DCC: variants seen among roughly 807,000 people sequenced by gnomAD.
DCC encodes netrin receptor DCC.
Under a neutral mutation model 172.5 loss-of-function variants are expected in DCC, and 58 were observed. The ratio of observed to expected loss-of-function variants is 0.34; its 90% CI spans 0.27 to 0.42. The LOEUF (loss-of-function observed/expected upper bound fraction) is 0.42. DCC is among the 10% of genes least tolerant of loss of function. DCC has a pLI of 1.00. For missense variants in DCC, 1,740 were observed against 1,791.0 expected (o/e 0.97, Z 0.51); for synonymous variants, 709 against 644.5 (o/e 1.10, Z -1.52).
chr18:52,657,479 C>T (rs1229289116), intron 1 of DCC, among the ~76,000 whole-genome samples: 1 of 152,122 alleles, frequency 6.6e-6, no homozygotes, highest in Non-Finnish European at 1.5e-5. Context: ...TATTAATAGT[C>T]GAGATTTTAT....
intron 5 of DCC, among the ~76,000 whole-genome samples, chr18:52,972,116 C>G (rs1023982539): frequency 2.6e-5 from 4 of 152,134 alleles, no homozygotes; most frequent in Non-Finnish European, 4.4e-5. Context: ...ATGAAAGAAA[C>G]AAATCACCTC....
In DCC at chr18:52,428,905, G is replaced by A. The variant is rs377112446; in HGVS notation, c.91+88027G>A. Among the ~76,000 whole-genome samples the A allele has an allele frequency of 2.6e-5, 4 of 152,118 alleles. No individual in the cohort carries two copies. In the East Asian group the frequency reaches 7.8e-4, roughly 29 times the overall value. ...AGCTATTAATATATATATAATAGAA[G>A]TAATAGACTGCCTTTAAAATACCCA... On this transcript the variant is annotated intron_variant, in intron 1 of 28. Transcript: ENST00000442544.
intron 1 of DCC, among the ~76,000 whole-genome samples, chr18:52,417,285 C>G (rs1987072551): frequency 6.6e-6 from 1 of 152,180 alleles, no homozygotes; most frequent in Admixed American, 6.5e-5. Flanking sequence ...CCCGACCTTT[C>G]TCTCTGGCTG....
chr18:53,251,040 C>G (rs2056424344), intron 12 of DCC, among the ~76,000 whole-genome samples: 3 of 151,952 alleles, frequency 2.0e-5, no homozygotes, highest in Admixed American at 2.0e-4. Context: ...TGTCTTGCAT[C>G]ACCTTTGTGG....
intron 1 of DCC, among the ~76,000 whole-genome samples, chr18:52,649,761 AT>A (rs1185050572): frequency 3.9e-5 from 6 of 152,196 alleles, no homozygotes; most frequent in Non-Finnish European, 8.8e-5. Context: ...ACCAAATTGT[AT>A]TCCAGTGAGT....
chr18:53,007,397 T>C (rs1213908938), intron 5 of DCC, among the ~76,000 whole-genome samples: 1 of 152,140 alleles, frequency 6.6e-6, no homozygotes, highest in East Asian at 1.9e-4. Context: ...GAGAGCCCCA[T>C]TACTTGACAA....
intron 2 of DCC, among the ~76,000 whole-genome samples, chr18:52,894,805 G>A (rs2039705056): frequency 6.6e-6 from 1 of 152,076 alleles, no homozygotes; most frequent in South Asian, 2.1e-4. Context: ...TGTTCTATTT[G>A]GGCCTTTAAC....
intron 1 of DCC, among the ~76,000 whole-genome samples, chr18:52,638,221 G>A (rs1242081201): frequency 6.6e-6 from 1 of 151,782 alleles, no homozygotes; most frequent in Non-Finnish European, 1.5e-5. Flanking sequence ...CCTCTTTAAA[G>A]CATAAATCAC....
intron 1 of DCC, among the ~76,000 whole-genome samples, chr18:52,530,587 T>C (rs1422829874): frequency 6.6e-6 from 1 of 152,316 alleles, no homozygotes; most frequent in African/African-American, 2.4e-5. Context: ...AAACTGGAAC[T>C]TTTGTCTTTT....
intron 2 of DCC, among the ~76,000 whole-genome samples, chr18:52,786,242 A>G (rs2037656053): frequency 6.6e-6 from 1 of 151,832 alleles, no homozygotes; most frequent in Non-Finnish European, 1.5e-5. Context: ...GATTTGCAGG[A>G]TAATTGCTCA....
intron 13 of DCC, among the ~76,000 whole-genome samples, chr18:53,316,464 A>C (rs1276230341): frequency 6.8e-6 from 1 of 146,264 alleles, no homozygotes; most frequent in East Asian, 2.1e-4. Context: ...ATGAAATTTA[A>C]AGAAGTTTTT....
At chr18:52,767,832 C>T (rs2037278991) in intron 2 of DCC, among the ~76,000 whole-genome samples, 1 of 152,130 alleles carries the variant, frequency 6.6e-6, no homozygotes, top group African/African-American at 2.4e-5. Flanking sequence ...CCTTTCCTCA[C>T]AAACAACTCT....
intron 11 of DCC, among the ~76,000 whole-genome samples, chr18:53,210,492 A>C (rs116439349): frequency 0.022 from 3,274 of 152,260 alleles, 114 homozygotes; most frequent in African/African-American, 0.074. Context: ...CCTAAATATG[A>C]AGGATGCTGT....
intron 1 of DCC, among the ~76,000 whole-genome samples, chr18:52,481,483 C>T (rs186676505): frequency 3.3e-5 from 5 of 152,184 alleles, no homozygotes; most frequent in Middle Eastern, 3.4e-3. Context: ...CGGCCCTACT[C>T]GCAGATTTAC....
At chr18:52,571,122 T>G (rs980942688) in intron 1 of DCC, among the ~76,000 whole-genome samples, 1 of 152,148 alleles carries the variant, frequency 6.6e-6, no homozygotes, top group African/African-American at 2.4e-5. Context: ...AAAATGCATT[T>G]TATTTGAAAG....
At position 53,085,957 on chromosome 18, in the gene DCC, C is replaced by T. The variant is rs1313304176; in HGVS notation, c.1261+19791C>T. On this transcript the variant is annotated intron_variant, in intron 7 of 28. Transcript: ENST00000442544. The stretch of plus-strand genomic sequence containing the variant: ...CATTTCAGCTTTGGTGGAGTATTTT[C>T]TCTTCTTCTTCTTCTTCTTCTTCTT... Among the ~76,000 whole-genome samples, 2 of 65,882 alleles carry T rather than the reference C, an allele frequency of 3.0e-5. 1 individual carries two copies. Among genetic ancestry groups the T allele is most frequent in the Non-Finnish European group, 5.6e-5 (2 of 35,410 alleles). 43.2% of individuals were successfully genotyped at this position (65,882 alleles called of 152,430 possible). A position where few individuals can be genotyped will look rare whatever the true frequency, so the allele number is the denominator to read the frequency against.
intron 1 of DCC, among the ~76,000 whole-genome samples, chr18:52,712,004 C>T (rs2169156): frequency 0.058 from 8,799 of 151,954 alleles, 838 homozygotes; most frequent in African/African-American, 0.2. Context: ...ACTCTGTCAC[C>T]AGGCTGGAGT....
chr18:53,071,566 A>T (rs994702721), intron 7 of DCC, among the ~76,000 whole-genome samples: 2 of 152,184 alleles, frequency 1.3e-5, no homozygotes, highest in Non-Finnish European at 2.9e-5. Flanking sequence ...TCCTGCACAC[A>T]TGAGACTTTG....
chr18:53,280,503 T>A (rs989609050), intron 12 of DCC, among the ~76,000 whole-genome samples: 1 of 152,152 alleles, frequency 6.6e-6, no homozygotes, highest in Non-Finnish European at 1.5e-5. Context: ...GAGAAGTTTT[T>A]TGGGTAGGAT....
Sources: gnomAD v4.1 joint callset for allele counts (sites outside exome capture counted in the v4.1 genomes callset) on GRCh38, gnomAD v4.1.1 for gene constraint, MANE v1.5 for transcripts, NCBI Gene and HGNC (gene_info 2026-07-23, HGNC 2026-07-21) for gene names.